Variants in LRRFIP1 observed in about 807,000 individuals in gnomAD.
The protein encoded by LRRFIP1 is leucine-rich repeat flightless-interacting protein 1.
In LRRFIP1, 62 loss-of-function variants were observed where a neutral mutation model predicts 104.4. The ratio of observed to expected loss-of-function variants is 0.59; its 90% CI spans 0.48 to 0.73. The LOEUF is 0.73. Among genes scored for constraint, LRRFIP1 ranks in the 30% least tolerant of loss-of-function variants. The probability of loss-of-function intolerance (pLI) is 0.00; values close to 1 mark genes in which losing one functional copy is unlikely to be tolerated. For missense variants in LRRFIP1, 796 were observed against 824.5 expected (o/e 0.97, Z 0.42); for synonymous variants, 300 against 299.0 (o/e 1.00, Z -0.03).
intron 3 of LRRFIP1, among the ~76,000 whole-genome samples, chr2:237,714,893 G>A (rs893851591): frequency 1.3e-5 from 2 of 152,240 alleles, no homozygotes; most frequent in Non-Finnish European, 2.9e-5. Flanking sequence ...TAGCAAAAAT[G>A]AAGTCAGAAG....
In LRRFIP1 at chr2:237,717,550, A is replaced by T. The variant is rs186807323; in HGVS notation, c.202-212A>T. ...TGCCGGGATGGGGTGGGCTGGGAGG[A>T]TCTCTCTTCACAGCTCACAGCCTGC... On this transcript the variant is annotated intron_variant, in intron 3 of 23. Coordinates refer to ENST00000308482, the MANE Select transcript of LRRFIP1 (RefSeq NM_001137550.2). This position sits in a 1 kb window ranked among gnomAD's most constrained non-coding sequence, Gnocchi z 4.2. Among the ~76,000 whole-genome samples, 19 of 152,026 alleles carry T rather than the reference A, an allele frequency of 1.2e-4. No individual in the cohort carries two copies. In the South Asian group the frequency reaches 3.1e-3, roughly 25 times the overall value.
intron 21 of LRRFIP1, 38 bp from the exon 22 acceptor site, chr2:237,772,828 A>G: frequency 1.5e-6 from 2 of 1,361,498 alleles, no homozygotes; most frequent in Non-Finnish European, 2.1e-6. Context: ...TGAAAAGCCC[A>G]AGAGCTTAAC....
Position 237,643,464 on chromosome 2 carries a change from ATGT to A in LRRFIP1, c.96+15726_96+15728del, listed in dbSNP as rs573133917. On this transcript the variant is annotated intron_variant, in intron 1 of 23. Transcript: ENST00000308482. ...CAGATGGGAGAATCCATTTACTCTG[ATGT>A]TCCTGATTAGCAGAGGGTGGCTTTT... is the stretch of plus-strand genomic sequence containing the variant. Among the ~76,000 whole-genome samples the A allele has an allele frequency of 2.0e-4, 30 of 152,352 alleles. No individual in the cohort carries two copies. In the South Asian group the frequency reaches 4.6e-3, roughly 23 times the overall value.
In LRRFIP1 at chr2:237,767,446, G is replaced by A. The variant is rs56124225; in HGVS notation, c.1460-2497G>A. ...AGTCCCAAACCAGAACATAGCTCCC[G>A]TATATAAATGTAAATCTTCCTTCAA... On this transcript the variant is annotated intron_variant, in intron 19 of 23. Transcript: ENST00000308482. 8.5e-5 allele frequency among the ~76,000 whole-genome samples: 13 copies of A among 152,220 alleles called. No individual in the cohort carries two copies. In the South Asian group the frequency reaches 1.0e-3, roughly 12 times the overall value.
chr2:237,648,669 G>A (rs1301390661), intron 1 of LRRFIP1, among the ~76,000 whole-genome samples: 1 of 151,696 alleles, frequency 6.6e-6, no homozygotes, highest in African/African-American at 2.4e-5. Flanking sequence ...TCTTGCCTGT[G>A]ATGAGTAACA....
At chr2:237,665,655 A>C (rs936849274) in intron 1 of LRRFIP1, among the ~76,000 whole-genome samples, 1 of 152,244 alleles carries the variant, frequency 6.6e-6, no homozygotes, top group African/African-American at 2.4e-5. Flanking sequence ...ACTATGTGAA[A>C]GCGATATTGT....
intron 23 of LRRFIP1, among the ~76,000 whole-genome samples, chr2:237,776,870 GC>G (rs2061141282): frequency 6.6e-6 from 1 of 152,104 alleles, no homozygotes; most frequent in Admixed American, 6.5e-5. Context: ...TCTTAATAGA[GC>G]CCTTAGTCCA....
intron 19 of LRRFIP1, 88 bp downstream of exon 19, chr2:237,760,293 C>G: frequency 1.4e-6 from 2 of 1,422,254 alleles, no homozygotes; most frequent in Non-Finnish European, 1.9e-6. Context: ...GAGCCACCGT[C>G]GCTGATGGGT....
chr2:237,672,803 T>C (rs531767060), intron 1 of LRRFIP1, among the ~76,000 whole-genome samples: 25 of 152,366 alleles, frequency 1.6e-4, no homozygotes, highest in African/African-American at 6.0e-4. Flanking sequence ...ATGTGGATGA[T>C]ATATCCTTTT....
In LRRFIP1 at chr2:237,723,585, G is replaced by C; in HGVS notation, c.383G>C (p.Trp128Ser). 6.2e-7 allele frequency: 1 copy of C among 1,613,906 alleles called. No individual in the cohort carries two copies. Among genetic ancestry groups the C allele is most frequent in the Middle Eastern group, 1.6e-4 (1 of 6,062 alleles). The change falls in exon 7 of 24, where the codon TGG (tryptophan) becomes TCG (serine). Residue 128 changes from tryptophan (W) to serine (S), a missense_variant and splice_region_variant. Transcript: ENST00000308482. ...PDLEYGGPYA[W>S]TNGYDGELYG... Reference sequence around the variant, plus strand: ...TTGGAGTATGGGGGTCCTTACGCCTGGGTGAGATGGTCGGATATACTTTGC... The same window carrying C: ...TTGGAGTATGGGGGTCCTTACGCCTCGGTGAGATGGTCGGATATACTTTGC...
chr2:237,679,664 A>G (rs2091577479), intron 1 of LRRFIP1, among the ~76,000 whole-genome samples: 1 of 152,190 alleles, frequency 6.6e-6, no homozygotes, highest in African/African-American at 2.4e-5. Flanking sequence ...GCTAGAGTGC[A>G]ATGGCATGAT....
At chr2:237,727,043 T>G (rs555679519) in intron 7 of LRRFIP1, among the ~76,000 whole-genome samples, 4 of 152,240 alleles carry the variant, frequency 2.6e-5, no homozygotes, top group African/African-American at 9.6e-5. Flanking sequence ...AACTTTTGCG[T>G]TTAACTATAG....
At chr2:237,752,674 G>T (rs2058769668) in intron 14 of LRRFIP1, among the ~76,000 whole-genome samples, 1 of 152,232 alleles carries the variant, frequency 6.6e-6, no homozygotes, top group Non-Finnish European at 1.5e-5. Context: ...GCACGTGAGG[G>T]CATCGCCATG....
chr2:237,681,853 G>A (rs796249315), intron 1 of LRRFIP1, among the ~76,000 whole-genome samples: 1 of 150,072 alleles, frequency 6.7e-6, no homozygotes, highest in South Asian at 2.1e-4. Context: ...CTAATTTTTT[G>A]TATTTTTAGT....
At chr2:237,707,879 G>A (rs1328763322) in intron 1 of LRRFIP1, among the ~76,000 whole-genome samples, 2 of 152,180 alleles carry the variant, frequency 1.3e-5, no homozygotes, top group Admixed American at 1.3e-4. Flanking sequence ...GAACCGTTCT[G>A]CTATGATCTT....
intron 1 of LRRFIP1, among the ~76,000 whole-genome samples, chr2:237,652,245 C>T (rs2086060811): frequency 6.6e-6 from 1 of 152,220 alleles, no homozygotes; most frequent in Non-Finnish European, 1.5e-5. Context: ...ATAAACTACA[C>T]AGTTGGATCT....
Position 237,629,470 on chromosome 2 carries a change from T to C in LRRFIP1, c.96+1730T>C, listed in dbSNP as rs71424982. Among the ~76,000 whole-genome samples the C allele has an allele frequency of 3.0e-3, 156 of 51,948 alleles. 3 individuals carry two copies. Among genetic ancestry groups the C allele is most frequent in the Non-Finnish European group, 4.7e-3 (95 of 20,118 alleles). 34.1% of individuals were successfully genotyped at this position (51,948 alleles called of 152,430 possible). ...TATCCACTGGTGTTTCTTTCTTCTT[T>C]TTTTTTTTTTTTTTTTTTTTTAACA... On this transcript the variant is annotated intron_variant, in intron 1 of 23. Coordinates refer to ENST00000308482, the MANE Select transcript of LRRFIP1 (RefSeq NM_001137550.2).
chr2:237,744,398 C>T (rs1396618944), intron 11 of LRRFIP1, among the ~76,000 whole-genome samples: 1 of 151,590 alleles, frequency 6.6e-6, no homozygotes, highest in African/African-American at 2.4e-5. Context: ...TGAGTAGGGT[C>T]TCTCTGGGTA....
intron 18 of LRRFIP1, 89 bp from the exon 19 acceptor site, chr2:237,759,975 A>C: frequency 7.9e-7 from 1 of 1,264,766 alleles, no homozygotes; most frequent in South Asian, 1.3e-5. Flanking sequence ...TTCAGGAAAA[A>C]ATGGTTTTCT....
Sources: gnomAD v4.1 joint callset for allele counts (sites outside exome capture counted in the v4.1 genomes callset) on GRCh38, gnomAD v4.1.1 for gene constraint, Gnocchi (gnomAD v3.1) non-coding constraint, MANE v1.5 for transcripts, NCBI Gene and HGNC (gene_info 2026-07-23, HGNC 2026-07-21) for gene names.